Variants in ACOT11 observed in about 807,000 individuals in gnomAD.
ACOT11 encodes the protein acyl-coenzyme A thioesterase 11.
In ACOT11, 69 loss-of-function variants were observed where a neutral mutation model predicts 77.5. That is an observed-to-expected ratio of 0.89 (90% CI 0.73 to 1.09). The LOEUF is 1.09. ACOT11 is among the 50% of genes least tolerant of loss of function. The pLI is 0.00. For synonymous variants in ACOT11, 279 were observed against 313.0 expected (o/e 0.89, Z 1.15); for missense variants, 766 against 813.7 (o/e 0.94, Z 0.71).
In ACOT11 at chr1:54,609,994, G is replaced by A; in HGVS notation, c.*882G>A. The A allele has an allele frequency of 1.3e-6, 2 of 1,548,420 alleles. No individual in the cohort carries two copies. The highest frequency in any genetic ancestry group is 1.2e-5 in the South Asian group (1 of 81,950). ...TTTAGGATTTGGGTTATCATAAGGTGTTAAGAGTCCCTTGTTAAAGGGGCA... is the reference window on the plus strand; with the variant it reads ...TTTAGGATTTGGGTTATCATAAGGTATTAAGAGTCCCTTGTTAAAGGGGCA... On this transcript the variant is annotated 3_prime_UTR_variant, in exon 16 of 16. Transcript: ENST00000343744.
rs371472621 is a variant in ACOT11, at chr1:54,548,304, G to A, written c.-6G>A. ...AGGGCGCTGCTTTCCCCGGCCACCC[G>A]GCGCGATGATCCAGAATGTCGGAAA... On this transcript the variant is annotated 5_prime_UTR_variant, in exon 1 of 16. Coordinates refer to ENST00000343744, the MANE Select transcript of ACOT11 (RefSeq NM_147161.4). The A allele has an allele frequency of 2.3e-4, 369 of 1,595,514 alleles. 1 individual carries two copies. The African/African-American group carries it at 4.3e-3, about 19-fold the overall frequency.
At chr1:54,635,806 T>A (rs1644327564) in exon 17 of ACOT11, 1 of 153,812 alleles carries the variant, frequency 6.5e-6, no homozygotes, top group Non-Finnish European at 1.4e-5. Flanking sequence ...CCCCCCAGAG[T>A]CTGGCCATAA....
At chr1:54,614,815 G>C (rs1644154260), downstream of ACOT11, 4 of 1,614,144 alleles carry the variant, frequency 2.5e-6, no homozygotes, top group East Asian at 6.7e-5. Flanking sequence ...AGGAGGTCCA[G>C]GGAGGGGCCC....
chr1:54,601,101 G>A (rs1399882892), intron 8 of ACOT11, among the ~76,000 whole-genome samples, 168 bp from the exon 9 acceptor site: 1 of 151,614 alleles, frequency 6.6e-6, no homozygotes, highest in Non-Finnish European at 1.5e-5. Flanking sequence ...ACATGTGTGT[G>A]TATGTGTGTG....
rs914226123 is a variant in ACOT11 at position 54,572,929 on chromosome 1, G to T, written c.34-11726G>T. Reference sequence around the variant, plus strand: ...GGTTTCCTCCCACTCTGAGAGCTGAGAATTTATAAAGTACAGTTTTCAGCT... The same window carrying T: ...GGTTTCCTCCCACTCTGAGAGCTGATAATTTATAAAGTACAGTTTTCAGCT... On this transcript the variant is annotated intron_variant, in intron 1 of 15. Transcript: ENST00000343744. 5.1e-6 allele frequency: 5 copies of T among 985,308 alleles called. No homozygotes were observed. The African/African-American group carries it at 8.7e-5, about 17-fold the overall frequency. The allele number at this position is 985,308 out of a possible 1,614,324, so 61.0% of individuals were successfully genotyped here. A position where few individuals can be genotyped will look rare whatever the true frequency, so the allele number is the denominator to read the frequency against.
chr1:54,567,747 C>T (rs2100957158), intron 1 of ACOT11, among the ~76,000 whole-genome samples: 1 of 152,310 alleles, frequency 6.6e-6, no homozygotes, highest in East Asian at 1.9e-4. Context: ...ACGTGGAGTC[C>T]TTCAGCAAGA....
At chr1:54,616,010 A>C (rs1247041471) in intron 15 of ACOT11, 40 of 1,612,870 alleles carry the variant, frequency 2.5e-5, no homozygotes, top group Non-Finnish European at 3.3e-5. Flanking sequence ...GTTTCCAGAG[A>C]GGCCCTTACC....
intron 7 of ACOT11, chr1:54,598,840 C>CAA (rs898488192): frequency 2.2e-4 from 13 of 59,964 alleles, no homozygotes; most frequent in South Asian, 1.2e-3. Context: ...AACCCTGTCT[C>CAA]AAAAAAAAAA....
chr1:54,614,939 GGTGT>G (rs71045199), downstream of ACOT11: 455,470 of 1,208,296 alleles, frequency 0.38, 85,724 homozygotes, highest in East Asian at 0.59. Flanking sequence ...AAGCAGAGCG[GGTGT>G]GTGTGTGTGT....
In ACOT11 at chr1:54,609,147, T is replaced by G. The variant is rs781257621; in HGVS notation, c.*35T>G. ...GTGGCCACATCATGCCCACTCCCAC[T>G]CCATCCTGTCCCCAAGGACTCACAT... On this transcript the variant is annotated 3_prime_UTR_variant, in exon 16 of 16. Coordinates refer to ENST00000343744, the MANE Select transcript of ACOT11 (RefSeq NM_147161.4). 6.2e-7 allele frequency: 1 copy of G among 1,613,150 alleles called. No homozygotes were observed. The highest frequency in any genetic ancestry group is 8.5e-7 in the Non-Finnish European group (1 of 1,179,534).
rs540037665 is a variant in ACOT11, at chr1:54,574,284, C to T, written c.34-10371C>T. ...CAGCCTGGCCCCTGTCCTGCAGGTT[C>T]CTGTCCATCTGCACACAGGGTCAGA... On this transcript the variant is annotated intron_variant, in intron 1 of 15. Coordinates refer to ENST00000343744, the MANE Select transcript of ACOT11 (RefSeq NM_147161.4). Among the ~76,000 whole-genome samples the T allele has an allele frequency of 4.3e-4, 66 of 152,314 alleles. 1 individual carries two copies. The highest frequency in any genetic ancestry group is 2.7e-3 in the South Asian group (13 of 4,830).
exon 17 of ACOT11, chr1:54,637,138 G>A (rs940653935): frequency 2.0e-5 from 3 of 152,192 alleles, no homozygotes; most frequent in Non-Finnish European, 4.4e-5. Context: ...GGGGCTCTCA[G>A]CTCTGAAGGC....
At chr1:54,570,164 G>A (rs1653884001) in intron 1 of ACOT11, among the ~76,000 whole-genome samples, 2 of 152,118 alleles carry the variant, frequency 1.3e-5, no homozygotes, top group Admixed American at 6.5e-5. Flanking sequence ...TGAGCCTCTC[G>A]AGGGCCTACA....
chr1:54,570,875 G>A (rs1653906955), intron 1 of ACOT11, among the ~76,000 whole-genome samples: 1 of 151,864 alleles, frequency 6.6e-6, no homozygotes, highest in Non-Finnish European at 1.5e-5. Context: ...TAATGACAGA[G>A]TTTCACCATG....
rs550685350 is a variant in ACOT11, at chr1:54,628,983, G to A, written c.1630-1751G>A. Among the ~76,000 whole-genome samples, 3 of 126,016 alleles carry A rather than the reference G, an allele frequency of 2.4e-5. 1 individual carries two copies. Among genetic ancestry groups the A allele is most frequent in the South Asian group, 5.5e-4 (2 of 3,622 alleles). 82.7% of individuals were successfully genotyped at this position (126,016 alleles called of 152,430 possible). A position where few individuals can be genotyped will look rare whatever the true frequency, so the allele number is the denominator to read the frequency against. On this transcript the variant is annotated intron_variant, in intron 15 of 16. Transcript: ENST00000371316. ...CTGAGGGAGGAGAATCACTTGAACC[G>A]GGGAGGCAGAGGTTGCAGTGAGCCG...
Position 54,605,349 on chromosome 1 carries a change from G to A in ACOT11, c.1370+140G>A, listed in dbSNP as rs1644012667. ...GGGTTGGAGTTCCATGCTGGGTGGG[G>A]GTTCAGGGTCATGGGTATTTTGAGC... On this transcript the variant is annotated intron_variant, in intron 13 of 15. Coordinates refer to ENST00000343744, the MANE Select transcript of ACOT11 (RefSeq NM_147161.4). 3.7e-6 allele frequency: 5 copies of A among 1,349,200 alleles called. No individual in the cohort carries two copies. In the South Asian group the frequency reaches 6.1e-5, roughly 16 times the overall value. The allele number at this position is 1,349,200 out of a possible 1,614,324, so 83.6% of individuals were successfully genotyped here. A position where few individuals can be genotyped will look rare whatever the true frequency, so the allele number is the denominator to read the frequency against.
rs147535488 is a variant in ACOT11, at chr1:54,594,682, A to G, written c.598A>G (p.Ile200Val). 1.9e-6 allele frequency: 3 copies of G among 1,612,412 alleles called. No individual in the cohort carries two copies. Among genetic ancestry groups the G allele is most frequent in the Non-Finnish European group, 2.5e-6 (3 of 1,178,966 alleles). Residue 200 changes from isoleucine (I) to valine (V), a missense_variant, in exon 6 of 16, where the codon ATT becomes GTT. Transcript: ENST00000343744. ...TIKDLLANCA[I>V]QGDLESRDCS... is the part of the protein sequence containing the mutation. ...CAAGGACCTCCTGGCCAACTGCGCC[A>G]TTCAGGGCGGTGAGCAGCTGCCAGC...
intron 10 of ACOT11, among the ~76,000 whole-genome samples, chr1:54,603,345 T>C (rs1643987277): frequency 6.6e-6 from 1 of 152,166 alleles, no homozygotes; most frequent in Non-Finnish European, 1.5e-5. Flanking sequence ...CAAGACTCTG[T>C]CTCAAAATAA....
chr1:54,607,161 C>T lies in ACOT11; in HGVS notation c.1398C>T (p.Asp466=), dbSNP rs778609855. Residue 466 remains aspartate (D), a synonymous_variant, in exon 14 of 16, where the codon GAC becomes GAT. Coordinates refer to ENST00000343744, the MANE Select transcript of ACOT11 (RefSeq NM_147161.4). The surrounding 1 kb of genome is among the most constrained non-coding windows in gnomAD (Gnocchi z 4.5). The stretch of plus-strand genomic sequence containing the variant: ...GCGTGGAGCTAGTGCAGCAGGTAGA[C>T]GAGGACGACGCCATCTACCACGTCA... The part of the protein sequence containing the change: ...YRSVELVQQV[D]EDDAIYHVTS... 2.0e-5 allele frequency: 33 copies of T among 1,614,030 alleles called. No homozygotes were observed. The highest frequency in any genetic ancestry group is 1.6e-4 in the Middle Eastern group (1 of 6,084).
Sources: gnomAD v4.1 joint callset for allele counts (sites outside exome capture counted in the v4.1 genomes callset) on GRCh38, gnomAD v4.1.1 for gene constraint, Gnocchi (gnomAD v3.1) non-coding constraint, MANE v1.5 for transcripts, NCBI Gene and HGNC (gene_info 2026-07-23, HGNC 2026-07-21) for gene names.